The following INTS1 variants were observed in gnomAD, a reference collection of about 807,000 sequenced individuals.
INTS1 encodes the protein integrator complex subunit 1.
In INTS1, 137 loss-of-function variants were observed where a neutral mutation model predicts 241.6. The ratio of observed to expected loss-of-function variants is 0.57; its 90% CI spans 0.49 to 0.65. The LOEUF (loss-of-function observed/expected upper bound fraction) is 0.65, where lower values mean the gene tolerates loss of function less well. Among genes scored for constraint, INTS1 ranks in the 30% least tolerant of loss-of-function variants. The pLI is 0.00. For synonymous variants in INTS1, 1,692 were observed against 1,337.8 expected, an observed-to-expected ratio of 1.26 and a Z score of -5.78; for missense variants, 3,073 against 3,032.2, an observed-to-expected ratio of 1.01 and a Z score of -0.32.
Position 1,473,607 on chromosome 7 carries a change from T to C in INTS1, c.5916A>G (p.Pro1972=), listed in dbSNP as rs1781575794. The change falls in exon 42 of 48, where the codon CCA becomes CCG. Residue 1972 remains proline, a synonymous_variant. Transcript: ENST00000404767. ...GCTTCTGCAGGAAGGAGATGGCTGC[T>C]GGGGCATTGTAGGTAATGTACTTAT... ...FIHKYITYNA[P]AAISFLQKHA... 6.2e-7 allele frequency: 1 copy of C among 1,611,110 alleles called. No individual in the cohort carries two copies. The highest frequency in any genetic ancestry group is 8.5e-7 in the Non-Finnish European group (1 of 1,178,880).
rs369936361 is a variant in INTS1, at chr7:1,493,821, G to T, written c.2001C>A (p.Leu667=). ...CAAGCTCCATGGCGTCCGCAGGCCC[G>T]AGCGGGAGCTCCCGGGACAGCCCGA... ...LVIGLSRELP[L]GPADAMELAD... is the part of the protein sequence containing the mutation. The change falls in exon 15 of 48, where the codon CTC becomes CTA. Residue 667 remains leucine (L), a synonymous_variant. Coordinates refer to ENST00000404767, the MANE Select transcript of INTS1 (RefSeq NM_001080453.3). The surrounding 1 kb of genome is among the most constrained non-coding windows in gnomAD (Gnocchi z 5.3). The T allele has an allele frequency of 7.0e-6, 11 of 1,574,286 alleles. No individual in the cohort carries two copies. The highest frequency in any genetic ancestry group is 4.1e-5 in the African/African-American group (3 of 73,944).
At chr7:1,482,373 G>C in intron 27 of INTS1, 173 bp downstream of exon 27, 1 of 556,780 alleles carries the variant, frequency 1.8e-6, no homozygotes, top group Non-Finnish European at 3.0e-6. Context: ...CTCCTCCCAG[G>C]GTCCAGCACA....
In INTS1 at chr7:1,497,005, T is replaced by C. The variant is rs1782895531; in HGVS notation, c.1602+133A>G. 2.2e-6 allele frequency: 2 copies of C among 910,954 alleles called. No individual in the cohort carries two copies. Among genetic ancestry groups the C allele is most frequent in the Non-Finnish European group, 3.2e-6 (2 of 621,220 alleles). The allele number at this position is 910,954 out of a possible 1,614,324, so 56.4% of individuals were successfully genotyped here. A position where few individuals can be genotyped will look rare whatever the true frequency, so the allele number is the denominator to read the frequency against. ...CTGGGACGCGTCACCGCAAACAGCC[T>C]CACTCATCCCCGTACCCACGCTCAG... On this transcript the variant is annotated intron_variant, in intron 11 of 47. Coordinates refer to ENST00000404767, the MANE Select transcript of INTS1 (RefSeq NM_001080453.3). The surrounding 1 kb of genome is among the most constrained non-coding windows in gnomAD (Gnocchi z 5.3).
rs1282238883 is a variant in INTS1, at chr7:1,498,369, C to T, written c.1425+43G>A. The T allele has an allele frequency of 9.3e-6, 15 of 1,609,008 alleles. No individual in the cohort carries two copies. In the Admixed American group the frequency reaches 2.5e-4, roughly 27 times the overall value. On this transcript the variant is annotated intron_variant, in intron 10 of 47. Coordinates refer to ENST00000404767, the MANE Select transcript of INTS1 (RefSeq NM_001080453.3). ...CACGTGCCCCTCCAGCCCAGAGCCCCATATTCCGGCGTGGAGGGCAAGGCC... is the reference window on the plus strand; with the variant it reads ...CACGTGCCCCTCCAGCCCAGAGCCCTATATTCCGGCGTGGAGGGCAAGGCC...
At chr7:1,488,046 C>G (rs1782361170) in intron 18 of INTS1, 89 bp from the exon 19 acceptor site, 11 of 1,378,258 alleles carry the variant, frequency 8.0e-6, no homozygotes, top group Admixed American at 1.7e-5. Context: ...AGGGTAAAAC[C>G]CCTACGGCTG....
In INTS1 at chr7:1,493,420, G is replaced by T. The variant is rs1004283966; in HGVS notation, c.2069-314C>A. On this transcript the variant is annotated intron_variant, in intron 15 of 47. Transcript: ENST00000404767. The surrounding 1 kb of genome is among the most constrained non-coding windows in gnomAD (Gnocchi z 5.3). ...CTCGGGGCAGAGCCACGGACGAGGCGCGAGCTGGATTTACAATCATTCTAC... is the reference window on the plus strand; with the variant it reads ...CTCGGGGCAGAGCCACGGACGAGGCTCGAGCTGGATTTACAATCATTCTAC... Among the ~76,000 whole-genome samples the T allele has an allele frequency of 6.6e-6, 1 of 152,164 alleles. No homozygotes were observed. The highest frequency in any genetic ancestry group is 1.9e-4 in the East Asian group (1 of 5,198).
chr7:1,488,581 CCT>C (rs1395407710), intron 18 of INTS1, among the ~76,000 whole-genome samples: 5 of 152,144 alleles, frequency 3.3e-5, no homozygotes, highest in Non-Finnish European at 7.4e-5. Flanking sequence ...CATGCCCAGT[CCT>C]CACAGTGCAA....
At position 1,497,642 on chromosome 7, in the gene INTS1, C is replaced by T. The variant is rs896958851; in HGVS notation, c.1426-328G>A. 5.9e-5 allele frequency among the ~76,000 whole-genome samples: 9 copies of T among 152,218 alleles called. No homozygotes were observed. The highest frequency in any genetic ancestry group is 1.9e-4 in the East Asian group (1 of 5,176). Reference sequence around the variant, plus strand: ...GCCATCTCAGCCCACCCGTGCGCCACGGGCTGAACGGAAACCAAAGGCCAC... The same window carrying T: ...GCCATCTCAGCCCACCCGTGCGCCATGGGCTGAACGGAAACCAAAGGCCAC... On this transcript the variant is annotated intron_variant, in intron 10 of 47. Coordinates refer to ENST00000404767, the MANE Select transcript of INTS1 (RefSeq NM_001080453.3). This position sits in a 1 kb window ranked among gnomAD's most constrained non-coding sequence, Gnocchi z 5.3.
At position 1,497,243 on chromosome 7, in the gene INTS1, C is replaced by T. The variant is rs377220832; in HGVS notation, c.1497G>A (p.Leu499=). Residue 499 remains leucine (L), a synonymous_variant, in exon 11 of 48, where the codon CTG becomes CTA. Coordinates refer to ENST00000404767, the MANE Select transcript of INTS1 (RefSeq NM_001080453.3). The surrounding 1 kb of genome is among the most constrained non-coding windows in gnomAD (Gnocchi z 5.3). ...DDYLRASRAL[L]REIIKQTKHE... Reference sequence around the variant, plus strand: ...GCTTGGTCTGCTTGATGATCTCCCGCAGCAGGGCCCGCGAGGCCCGCAGGT... The same window carrying T: ...GCTTGGTCTGCTTGATGATCTCCCGTAGCAGGGCCCGCGAGGCCCGCAGGT... 21 of 1,613,370 alleles carry T rather than the reference C, an allele frequency of 1.3e-5. No individual in the cohort carries two copies. The highest frequency in any genetic ancestry group is 1.8e-5 in the Non-Finnish European group (21 of 1,179,820).
intron 16 of INTS1, among the ~76,000 whole-genome samples, chr7:1,492,262 CGAG>C (rs1378196531): frequency 6.6e-6 from 1 of 152,174 alleles, no homozygotes; most frequent in Non-Finnish European, 1.5e-5. Flanking sequence ...CCCTCAGCCA[CGAG>C]GAGGACTTTG....
Position 1,478,754 on chromosome 7 carries a change from C to T in INTS1, c.4461G>A (p.Gln1487=). ...CACTGAGCCTGCGCCCGGCTGAGGC[C>T]TGGCTGGCAAGCATCCTGAGCTGTG... ...LRAQLRMLAS[Q]ASAGRRLSDV... is the part of the protein sequence containing the mutation. Residue 1487 remains glutamine, a synonymous_variant, in exon 32 of 48, where the codon CAG becomes CAA. Coordinates refer to ENST00000404767, the MANE Select transcript of INTS1 (RefSeq NM_001080453.3). 1.3e-6 allele frequency: 2 copies of T among 1,593,664 alleles called. No individual in the cohort carries two copies. The highest frequency in any genetic ancestry group is 1.7e-6 in the Non-Finnish European group (2 of 1,170,620).
At chr7:1,484,209 A>G in intron 24 of INTS1, 39 bp from the exon 25 acceptor site, 1 of 1,578,406 alleles carries the variant, frequency 6.3e-7, no homozygotes. Flanking sequence ...GCTCCGAGAC[A>G]GCTCTGCTCT....
chr7:1,497,589 CA>C lies in INTS1; in HGVS notation c.1426-276del, dbSNP rs1337117638. Among the ~76,000 whole-genome samples, 2 of 152,146 alleles carry C rather than the reference CA, an allele frequency of 1.3e-5. No homozygotes were observed. The highest frequency in any genetic ancestry group is 2.9e-5 in the Non-Finnish European group (2 of 68,018). ...AACGGAAGCTGGGGGTGCGGGACAC[CA>C]GGCGGCAAAGCCATAGAAGCGCGTG... is the stretch of plus-strand genomic sequence containing the variant. On this transcript the variant is annotated intron_variant, in intron 10 of 47. Coordinates refer to ENST00000404767, the MANE Select transcript of INTS1 (RefSeq NM_001080453.3). The surrounding 1 kb of genome is among the most constrained non-coding windows in gnomAD (Gnocchi z 5.3).
rs560840118 is a variant in INTS1 at position 1,478,465 on chromosome 7, G to T, written c.4531C>A (p.Arg1511Ser). The change falls in exon 33 of 48, where the codon CGT (arginine) becomes AGT (serine). Residue 1511 changes from arginine to serine, a missense_variant. Transcript: ENST00000404767. ...GAGCTGACCACCTCCAGGTCCTGAC[G>T]GAAGGCCAGGGCCTCGGCCAGGCGC... ...LLRLAEALAF[R>S]QDLEVVSSTV... 2.5e-6 allele frequency: 4 copies of T among 1,612,222 alleles called. No individual in the cohort carries two copies. Among genetic ancestry groups the T allele is most frequent in the African/African-American group, 1.3e-5 (1 of 75,040 alleles).
chr7:1,484,367 G>A (rs564310400), intron 24 of INTS1, among the ~76,000 whole-genome samples, 197 bp from the exon 25 acceptor site: 3 of 152,310 alleles, frequency 2.0e-5, no homozygotes, highest in South Asian at 2.1e-4. Flanking sequence ...GGGAGGACAC[G>A]ACTCTCACAG....
Position 1,499,341 on chromosome 7 carries a change from G to C in INTS1, c.864C>G (p.Ser288=). 6.3e-7 allele frequency: 1 copy of C among 1,594,722 alleles called. No individual in the cohort carries two copies. Among genetic ancestry groups the C allele is most frequent in the South Asian group, 1.1e-5 (1 of 87,870 alleles). The change falls in exon 7 of 48, where the codon TCC becomes TCG. Residue 288 remains serine, a synonymous_variant. Coordinates refer to ENST00000404767, the MANE Select transcript of INTS1 (RefSeq NM_001080453.3). ...TCTGGCTGTCCTCCTCCTCCGTGAG[G>C]GAGGGGTGTGGGCTGCTCCCTGCAA... ...DLGAGSSPHP[S]LTEEEDSQTE...
rs200824460 is a variant in INTS1, at chr7:1,476,604, C to A, written c.5117G>T (p.Arg1706Leu). ...GCGCTGGTCCCGCCCCTGCCAGATG[C>A]GAGGAACATGGATGCAGGCCCAGAG... Reference protein sequence around the residue: ...DFLWACIHVPRIWQGRDQRTP... With the variant: ...DFLWACIHVPLIWQGRDQRTP... The change falls in exon 37 of 48, where the codon CGC becomes CTC. Residue 1706 changes from arginine (R) to leucine (L), a missense_variant. Transcript: ENST00000404767. The A allele has an allele frequency of 1.2e-6, 2 of 1,612,076 alleles. No individual in the cohort carries two copies. Among genetic ancestry groups the A allele is most frequent in the East Asian group, 2.2e-5 (1 of 44,846 alleles).
In INTS1 at chr7:1,485,268, C is replaced by T. The variant is rs374360152; in HGVS notation, c.3156+22G>A. ...GCGGCCCTCTCATCTTTCCCTGCCG[C>T]GGCCCCGGTCAGCGCCCTCACCTGC... On this transcript the variant is annotated intron_variant, in intron 23 of 47. Transcript: ENST00000404767. 75 of 1,598,676 alleles carry T rather than the reference C, an allele frequency of 4.7e-5. No homozygotes were observed. The African/African-American group carries it at 6.8e-4, about 15-fold the overall frequency.
intron 33 of INTS1, 126 bp from the exon 34 acceptor site, chr7:1,478,062 GGAGCCAGAGAGGAGAGTGCA>G: frequency 5.8e-6 from 5 of 857,384 alleles, no homozygotes; most frequent in Non-Finnish European, 9.4e-6. Flanking sequence ...GAGTCCAGCC[GGAGCCAGAGAGGAGAGTGCA>G]GCCGGGGCCG....
Sources: allele counts gnomAD v4.1 joint callset (sites outside exome capture counted in the v4.1 genomes callset), GRCh38; gene constraint gnomAD v4.1.1; non-coding constraint Gnocchi (gnomAD v3.1); transcripts MANE v1.5; gene names NCBI Gene and HGNC (gene_info 2026-07-23, HGNC 2026-07-21).